The following ZDHHC11 variants were observed in gnomAD, a reference collection of about 807,000 sequenced individuals.
ZDHHC11 encodes zDHHC palmitoyltransferase 11, also known as palmitoyltransferase ZDHHC11.
A neutral mutation model predicts 51.3 loss-of-function variants in ZDHHC11; 44 were observed. The ratio of observed to expected loss-of-function variants is 0.86; its 90% CI spans 0.67 to 1.10. The LOEUF (loss-of-function observed/expected upper bound fraction) is 1.10. Among genes scored for constraint, ZDHHC11 ranks in the 50% least tolerant of loss-of-function variants. ZDHHC11 has a pLI of 0.00. For missense variants in ZDHHC11, 400 were observed against 537.7 expected, an observed-to-expected ratio of 0.74 and a Z score of 2.53; for synonymous variants, 163 against 222.0, an observed-to-expected ratio of 0.73 and a Z score of 2.36.
chr5:822,309 A>C (rs12109624), intron 8 of ZDHHC11, among the ~76,000 whole-genome samples: 1 of 150,722 alleles, frequency 6.6e-6, no homozygotes, highest in African/African-American at 2.4e-5. Flanking sequence ...ACAGGTGGCC[A>C]TCTACAAGGC....
At chr5:846,875 C>G (rs1271852278) in intron 3 of ZDHHC11, among the ~76,000 whole-genome samples, 5 of 147,724 alleles carry the variant, frequency 3.4e-5, no homozygotes, top group African/African-American at 1.3e-4. Flanking sequence ...TGCACCTCCA[C>G]CATCCTCAGT....
At chr5:825,558 T>G (rs1177220346) in intron 7 of ZDHHC11, among the ~76,000 whole-genome samples, 69 of 152,104 alleles carry the variant, frequency 4.5e-4, no homozygotes, top group African/African-American at 1.7e-3. Context: ...TGAAGAGTGA[T>G]GGCAGATGGG....
At chr5:837,728 C>G (rs187647331) in intron 5 of ZDHHC11, among the ~76,000 whole-genome samples, 4 of 151,862 alleles carry the variant, frequency 2.6e-5, no homozygotes, top group Admixed American at 2.6e-4. Context: ...TGCTGACCCA[C>G]GCCCCTGCCG....
intron 10 of ZDHHC11, among the ~76,000 whole-genome samples, chr5:818,030 C>T (rs1447273672): frequency 2.0e-5 from 3 of 151,116 alleles, no homozygotes; most frequent in Non-Finnish European, 4.4e-5. Flanking sequence ...AACAATGAAC[C>T]GACGGTGTTA....
In ZDHHC11 at chr5:825,265, A is replaced by G. The variant is rs1554054663; in HGVS notation, c.936-14T>C. 5.0e-6 allele frequency: 8 copies of G among 1,610,926 alleles called. No individual in the cohort carries two copies. The South Asian group carries it at 8.8e-5, about 18-fold the overall frequency. On this transcript the variant is annotated splice_polypyrimidine_tract_variant and intron_variant, in intron 7 of 12. Transcript: ENST00000283441. ...TTGGCTTTGACTCTGGTGGGACAGA[A>G]AGGAGGAGAGAAACTCATCTCAGCT...
At chr5:857,253 G>A (rs988866212) in intron 1 of ZDHHC11, among the ~76,000 whole-genome samples, 2 of 152,172 alleles carry the variant, frequency 1.3e-5, no homozygotes, top group African/African-American at 2.4e-5. Context: ...GGCCTGCAGC[G>A]CAATCCTGTG....
rs1049078038 is a variant in ZDHHC11 at position 836,113 on chromosome 5, G to A, written c.900+1252C>T. Among the ~76,000 whole-genome samples, 5 of 150,116 alleles carry A rather than the reference G, an allele frequency of 3.3e-5. 2 individuals are homozygous for A. The highest frequency in any genetic ancestry group is 7.4e-5 in the Non-Finnish European group (5 of 67,250). On this transcript the variant is annotated intron_variant, in intron 6 of 12. Coordinates refer to ENST00000283441, the MANE Select transcript of ZDHHC11 (RefSeq NM_024786.3). Reference sequence around the variant, plus strand: ...GTAGGAGGAAAGGGCGTCATCACCTGTGCCCAGCCTCCAAGAGAGGGTCAC... The same window carrying A: ...GTAGGAGGAAAGGGCGTCATCACCTATGCCCAGCCTCCAAGAGAGGGTCAC...
rs1344163714 is a variant in ZDHHC11, at chr5:850,942, T to G, written c.-340A>C. On this transcript the variant is annotated 5_prime_UTR_variant, in exon 1 of 13. Transcript: ENST00000283441. Reference sequence around the variant, plus strand: ...TGAGGATTTGTTACGTTCTGGGGAGTGCTCGACAGCCCCCACACAGCGACA... The same window carrying G: ...TGAGGATTTGTTACGTTCTGGGGAGGGCTCGACAGCCCCCACACAGCGACA... The G allele has an allele frequency of 2.0e-5, 8 of 393,446 alleles. No individual in the cohort carries two copies. The highest frequency in any genetic ancestry group is 3.7e-5 in the Non-Finnish European group (8 of 217,966). The allele number at this position is 393,446 out of a possible 1,614,324, so 24.4% of individuals were successfully genotyped here.
intron 11 of ZDHHC11, among the ~76,000 whole-genome samples, chr5:810,595 T>C (rs1348245198): frequency 6.6e-5 from 10 of 151,354 alleles, no homozygotes; most frequent in African/African-American, 2.2e-4. Flanking sequence ...AACAGATGTT[T>C]GTAATGTGCG....
chr5:850,399 C>A lies in ZDHHC11; in HGVS notation c.204G>T (p.Trp68Cys), dbSNP rs201690952. The change falls in exon 1 of 13, where the codon TGG (tryptophan) becomes TGT (cysteine). Residue 68 changes from tryptophan (W) to cysteine (C), a missense_variant. Physicochemically the swap from Trp to Cys is radical, Grantham distance 215. Transcript: ENST00000283441. The part of the protein sequence containing the change: ...GIFIPFLPHA[W>C]KYIAYVVTGG... ...AGGATACCACGTAGGCAATGTATTTCCACGCGTGAGGCAGGAAGGGAATGA... is the reference window on the plus strand; with the variant it reads ...AGGATACCACGTAGGCAATGTATTTACACGCGTGAGGCAGGAAGGGAATGA... The A allele has an allele frequency of 1.9e-6, 3 of 1,613,610 alleles. No homozygotes were observed. The Admixed American group carries it at 5.0e-5, about 27-fold the overall frequency.
intron 11 of ZDHHC11, among the ~76,000 whole-genome samples, chr5:804,971 T>A (rs1445571131): frequency 1.3e-5 from 2 of 151,378 alleles, no homozygotes; most frequent in Non-Finnish European, 3.0e-5. Context: ...GTCAATAATA[T>A]TGTACTTTTG....
chr5:857,136 A>G (rs536797836), intron 1 of ZDHHC11, among the ~76,000 whole-genome samples: 51 of 152,250 alleles, frequency 3.3e-4, no homozygotes, highest in African/African-American at 1.2e-3. Context: ...GACACTGAAG[A>G]CTTGTAATGT....
At chr5:816,736 A>G in intron 10 of ZDHHC11, 3 of 519,424 alleles carry the variant, frequency 5.8e-6, no homozygotes, top group Non-Finnish European at 1.1e-5. Flanking sequence ...GGAGAAGACC[A>G]TCTTTCTCGT....
chr5:822,013 G>C, intron 8 of ZDHHC11, 118 bp from the exon 9 acceptor site: 27 of 877,048 alleles, frequency 3.1e-5, no homozygotes, highest in Non-Finnish European at 4.7e-5. Flanking sequence ...GGTACATCAA[G>C]GTTGCCTGGA....
intron 11 of ZDHHC11, among the ~76,000 whole-genome samples, chr5:804,741 A>G (rs1304969727): frequency 6.6e-6 from 1 of 151,390 alleles, no homozygotes; most frequent in Non-Finnish European, 1.5e-5. Flanking sequence ...GTCAACCAAG[A>G]ATTCTATATG....
At chr5:843,963 T>A (rs867830412) in intron 3 of ZDHHC11, among the ~76,000 whole-genome samples, 1 of 41,308 alleles carries the variant, frequency 2.4e-5, no homozygotes, top group Admixed American at 2.4e-4. Context: ...AGGTGGGGGG[T>A]GCAGAGGCAG....
chr5:845,445 C>T (rs1397673119), intron 3 of ZDHHC11, among the ~76,000 whole-genome samples: 60 of 152,102 alleles, frequency 3.9e-4, no homozygotes, highest in African/African-American at 1.4e-3. Flanking sequence ...CCCGCAGCCA[C>T]CCAGGGACAT....
chr5:849,544 G>C (rs1236946756), intron 1 of ZDHHC11: 2 of 152,174 alleles, frequency 1.3e-5, no homozygotes, highest in East Asian at 1.9e-4. Context: ...GCTCACTCAG[G>C]GACCCTCTCC....
chr5:847,216 C>T (rs1343072161), intron 3 of ZDHHC11, among the ~76,000 whole-genome samples: 75 of 151,706 alleles, frequency 4.9e-4, no homozygotes, highest in African/African-American at 7.3e-5. Flanking sequence ...AGAAGGCAGC[C>T]CAGCCCAGGA....
Sources: gnomAD v4.1 joint callset for allele counts (sites outside exome capture counted in the v4.1 genomes callset) on GRCh38, gnomAD v4.1.1 for gene constraint, MANE v1.5 for transcripts, NCBI Gene and HGNC (gene_info 2026-07-23, HGNC 2026-07-21) for gene names.